Variants in KLF8 observed in about 807,000 individuals in gnomAD.
KLF8 encodes the protein KLF transcription factor 8.
In KLF8, 10 loss-of-function variants were observed where a neutral mutation model predicts 18.2. The observed-to-expected ratio is 0.55, with a 90% confidence interval of 0.34 to 0.93. The LOEUF (loss-of-function observed/expected upper bound fraction) is 0.93. KLF8 is among the 40% of genes least tolerant of loss of function. The pLI, the probability that KLF8 is intolerant of heterozygous loss-of-function variation, is 0.02. For missense variants in KLF8, 264 were observed against 277.9 expected (o/e 0.95, Z 0.36); for synonymous variants, 109 against 97.3 (o/e 1.12, Z -0.71).
chrX:56,242,144 C>G lies in KLF8; in HGVS notation c.8-8087C>G, dbSNP rs374701213. On this transcript the variant is annotated intron_variant, in intron 1 of 5. Coordinates refer to ENST00000468660, the MANE Select transcript of KLF8 (RefSeq NM_007250.5). Reference sequence around the variant, plus strand: ...TTCATCTTTTTCCAGAATGAGGAATCTTAATCTCTAGCACATTCCAAGGTA... The same window carrying G: ...TTCATCTTTTTCCAGAATGAGGAATGTTAATCTCTAGCACATTCCAAGGTA... Among the ~76,000 whole-genome samples the G allele has an allele frequency of 2.7e-5, 3 of 112,269 alleles. No individual in the cohort carries two copies. The East Asian group carries it at 8.4e-4, about 31-fold the overall frequency.
the KLF8 span, among the ~76,000 whole-genome samples, chrX:56,222,759 C>A: frequency 8.8e-6 from 1 of 113,109 alleles, no homozygotes; most frequent in African/African-American, 3.2e-5. Context: ...CAGCTAAGGC[C>A]GGGCGAGAAA....
the KLF8 span, among the ~76,000 whole-genome samples, chrX:56,080,592 C>T: frequency 9.0e-6 from 1 of 111,339 alleles, no homozygotes; most frequent in Non-Finnish European, 1.9e-5. Flanking sequence ...TTTTTTCCTT[C>T]ATTTCAACTT....
the KLF8 span, among the ~76,000 whole-genome samples, chrX:55,931,774 G>A: frequency 1.8e-5 from 2 of 111,597 alleles, no homozygotes; most frequent in African/African-American, 6.5e-5. Context: ...GCTGAGGAGT[G>A]TTTTACTTCC....
the KLF8 span, among the ~76,000 whole-genome samples, chrX:56,222,471 A>AT: frequency 2.7e-5 from 3 of 112,686 alleles, no homozygotes; most frequent in Admixed American, 1.9e-4. Flanking sequence ...TGATTGGTGC[A>AT]TTTACAATCC....
intron 2 of KLF8, among the ~76,000 whole-genome samples, chrX:56,251,882 C>T (rs1406417088): frequency 1.8e-5 from 2 of 111,812 alleles, no homozygotes; most frequent in African/African-American, 6.5e-5. Context: ...TCCATCCCTG[C>T]AGCATTTATC....
the KLF8 span, among the ~76,000 whole-genome samples, chrX:56,098,053 G>A: frequency 9.0e-6 from 1 of 111,154 alleles, no homozygotes; most frequent in Non-Finnish European, 1.9e-5. Flanking sequence ...TCCCTAGGAG[G>A]TAGGGGCTGA....
the KLF8 span, among the ~76,000 whole-genome samples, chrX:55,923,178 G>A: frequency 1.8e-5 from 2 of 110,062 alleles, no homozygotes; most frequent in East Asian, 5.7e-4. Flanking sequence ...CCTTTGCAGG[G>A]ACATGGATGG....
At chrX:56,186,029 T>A in the KLF8 span, among the ~76,000 whole-genome samples, 1 of 112,027 alleles carries the variant, frequency 8.9e-6, no homozygotes, top group Non-Finnish European at 1.9e-5. Flanking sequence ...ATAAAAATAT[T>A]AACTTTAAAT....
chrX:56,176,527 C>T, the KLF8 span, among the ~76,000 whole-genome samples: 1 of 111,675 alleles, frequency 9.0e-6, no homozygotes, highest in African/African-American at 3.3e-5. Context: ...TCTCTGGCTG[C>T]TCTTAACATT....
the KLF8 span, among the ~76,000 whole-genome samples, chrX:55,970,324 C>G: frequency 4.5e-5 from 5 of 110,333 alleles, no homozygotes; most frequent in East Asian, 1.1e-3. Context: ...GGACAAAAAC[C>G]ATATGATCAT....
At chrX:56,186,030 A>T in the KLF8 span, among the ~76,000 whole-genome samples, 1 of 112,375 alleles carries the variant, frequency 8.9e-6, no homozygotes, top group Admixed American at 9.4e-5. Context: ...TAAAAATATT[A>T]ACTTTAAATG....
At chrX:56,024,478 G>A in the KLF8 span, among the ~76,000 whole-genome samples, 2 of 111,479 alleles carry the variant, frequency 1.8e-5, no homozygotes, top group Non-Finnish European at 3.8e-5. Context: ...GACGAGCCAC[G>A]GACAAAACCC....
At chrX:56,195,463 G>T in the KLF8 span, among the ~76,000 whole-genome samples, 140 of 111,942 alleles carry the variant, frequency 1.3e-3, no homozygotes, top group Non-Finnish European at 1.4e-3. Flanking sequence ...CCGATTCAAT[G>T]AAGTGGAAGA....
At chrX:56,177,943 G>A in the KLF8 span, among the ~76,000 whole-genome samples, 5 of 111,940 alleles carry the variant, frequency 4.5e-5, no homozygotes, top group Admixed American at 3.8e-4. Context: ...TACTAAGACT[G>A]TTGGAAAAGT....
chrX:56,176,907 C>T, the KLF8 span, among the ~76,000 whole-genome samples: 1 of 112,080 alleles, frequency 8.9e-6, no homozygotes, highest in East Asian at 2.8e-4. Context: ...GCTACCGAGG[C>T]TTGTGCATTC....
the KLF8 span, among the ~76,000 whole-genome samples, chrX:56,219,709 G>T: frequency 9.0e-6 from 1 of 111,006 alleles, no homozygotes; most frequent in African/African-American, 3.3e-5. Flanking sequence ...AAAATTAGCT[G>T]GGCATGGTGG....
At position 56,275,827 on chromosome X, in the gene KLF8, CATCTGTGGGATA is replaced by C. The variant is rs2067115001; in HGVS notation, c.898+5508_898+5519del. On this transcript the variant is annotated intron_variant, in intron 5 of 5. Coordinates refer to ENST00000468660, the MANE Select transcript of KLF8 (RefSeq NM_007250.5). ...ATTTGCATATGCTGAACCATCCCCA[CATCTGTGGGATA>C]AATCCCATTTGGACATGATGAATTA... Among the ~76,000 whole-genome samples the C allele has an allele frequency of 3.6e-5, 4 of 112,353 alleles. No homozygotes were observed. In the South Asian group the frequency reaches 1.5e-3, roughly 41 times the overall value.
the KLF8 span, among the ~76,000 whole-genome samples, chrX:55,933,185 T>A: frequency 8.9e-6 from 1 of 111,967 alleles, no homozygotes; most frequent in Non-Finnish European, 1.9e-5. Flanking sequence ...TTAATGTACC[T>A]ATGACTCATT....
the KLF8 span, among the ~76,000 whole-genome samples, chrX:56,042,918 C>T: frequency 1.8e-5 from 2 of 111,831 alleles, no homozygotes; most frequent in Admixed American, 9.5e-5. Flanking sequence ...CATAATATCA[C>T]TGGACTGTGT....
Sources: allele counts gnomAD v4.1 joint callset (sites outside exome capture counted in the v4.1 genomes callset), GRCh38; gene constraint gnomAD v4.1.1; transcripts MANE v1.5; gene names NCBI Gene and HGNC (gene_info 2026-07-23, HGNC 2026-07-21).